DOCK2: variants seen among roughly 807,000 people sequenced by gnomAD.
DOCK2 encodes the protein dedicator of cytokinesis 2, also known as dedicator of cytokinesis protein 2.
Under a neutral mutation model 248.9 loss-of-function variants are expected in DOCK2, and 87 were observed. The observed-to-expected ratio is 0.35, with a 90% CI of 0.29 to 0.42. The LOEUF (loss-of-function observed/expected upper bound fraction) is 0.42. Among genes scored for constraint, DOCK2 ranks in the 10% least tolerant of loss-of-function variants. The pLI, the probability that DOCK2 is intolerant of heterozygous loss-of-function variation, is 1.00. For synonymous variants in DOCK2, 805 were observed against 821.6 expected (o/e 0.98, Z 0.35); for missense variants, 1,747 against 2,300.2 (o/e 0.76, Z 4.92).
chr5:169,903,889 C>T (rs1453918906), intron 27 of DOCK2, among the ~76,000 whole-genome samples: 1 of 151,930 alleles, frequency 6.6e-6, no homozygotes, highest in Non-Finnish European at 1.5e-5. Flanking sequence ...CACCTGAGGT[C>T]AGGAGTTCGA....
At chr5:169,803,286 G>A (rs1427884257) in intron 26 of DOCK2, 80 bp downstream of exon 26, 1 of 1,524,828 alleles carries the variant, frequency 6.6e-7, no homozygotes, top group Non-Finnish European at 8.8e-7. Flanking sequence ...TGATACTGAT[G>A]GATAGCAGCT....
chr5:169,890,499 T>C (rs1345744385), intron 27 of DOCK2, among the ~76,000 whole-genome samples: 1 of 152,200 alleles, frequency 6.6e-6, no homozygotes, highest in African/African-American at 2.4e-5. Flanking sequence ...ATTTGAAATT[T>C]GGAAAGCTAA....
chr5:169,802,364 G>A (rs1387916663), intron 25 of DOCK2, among the ~76,000 whole-genome samples: 4 of 152,276 alleles, frequency 2.6e-5, no homozygotes, highest in Admixed American at 6.5e-5. Flanking sequence ...TTTTCGCCAC[G>A]TTGGCCATGC....
intron 25 of DOCK2, among the ~76,000 whole-genome samples, chr5:169,781,476 A>G (rs1364562055): frequency 6.6e-6 from 1 of 152,238 alleles, no homozygotes; most frequent in East Asian, 1.9e-4. Flanking sequence ...GATCCTGTTC[A>G]TCTCTGACAG....
intron 22 of DOCK2, among the ~76,000 whole-genome samples, chr5:169,720,528 C>A (rs1428271983): frequency 6.6e-6 from 1 of 151,802 alleles, no homozygotes; most frequent in Non-Finnish European, 1.5e-5. Context: ...TACAAAGCCT[C>A]TTGCAGTGCC....
At chr5:170,020,447 A>AATG (rs201007286) in intron 33 of DOCK2, among the ~76,000 whole-genome samples, 20 of 152,004 alleles carry the variant, frequency 1.3e-4, no homozygotes, top group Admixed American at 5.2e-4. Flanking sequence ...ATCTGCATCT[A>AATG]ATGATGATGA....
At chr5:169,974,843 C>G (rs553873965) in intron 27 of DOCK2, among the ~76,000 whole-genome samples, 1 of 150,372 alleles carries the variant, frequency 6.7e-6, no homozygotes, top group African/African-American at 2.5e-5. Flanking sequence ...CCCCTCCCCC[C>G]GACACACACA....
Position 169,655,984 on chromosome 5 carries a change from G to T in DOCK2, c.127+1498G>T, listed in dbSNP as rs138685560. On this transcript the variant is annotated intron_variant, in intron 2 of 51. Coordinates refer to ENST00000520908, the MANE Select transcript of DOCK2 (RefSeq NM_004946.3). ...CCTGCAAAGTTCACACTCCGGCCCTGTTGAAACCTTTTACGCAAGGAGTGG... is the reference window on the plus strand; with the variant it reads ...CCTGCAAAGTTCACACTCCGGCCCTTTTGAAACCTTTTACGCAAGGAGTGG... 2.6e-3 allele frequency among the ~76,000 whole-genome samples: 396 copies of T among 152,320 alleles called. 2 individuals are homozygous for T. The highest frequency in any genetic ancestry group is 8.4e-3 in the African/African-American group (349 of 41,564).
At chr5:169,854,619 G>C (rs1222015785) in intron 27 of DOCK2, among the ~76,000 whole-genome samples, 2 of 152,234 alleles carry the variant, frequency 1.3e-5, no homozygotes, top group African/African-American at 4.8e-5. Context: ...CAGAAAGTCA[G>C]GGGCAGAAGT....
chr5:169,648,394 A>G (rs527753177), intron 1 of DOCK2, among the ~76,000 whole-genome samples: 1 of 152,300 alleles, frequency 6.6e-6, no homozygotes, highest in African/African-American at 2.4e-5. Context: ...GAGAGAATTC[A>G]CTGGAATCCT....
At chr5:169,831,304 T>C (rs190180653) in intron 26 of DOCK2, among the ~76,000 whole-genome samples, 2 of 152,340 alleles carry the variant, frequency 1.3e-5, no homozygotes, top group East Asian at 3.9e-4. Flanking sequence ...TCAAGATCTA[T>C]CTACCTTCTC....
intron 27 of DOCK2, among the ~76,000 whole-genome samples, chr5:169,874,936 C>T (rs1253646869): frequency 6.6e-6 from 1 of 152,104 alleles, no homozygotes; most frequent in East Asian, 1.9e-4. Flanking sequence ...ATCCTCTCCT[C>T]TCTCTTCCTT....
At chr5:169,889,003 G>T (rs1581363870) in intron 27 of DOCK2, among the ~76,000 whole-genome samples, 3 of 152,120 alleles carry the variant, frequency 2.0e-5, no homozygotes, top group Non-Finnish European at 2.9e-5. Context: ...GTGATGATCT[G>T]CTGACTTCTA....
At chr5:169,839,860 C>T (rs1036384105) in intron 26 of DOCK2, among the ~76,000 whole-genome samples, 1 of 152,184 alleles carries the variant, frequency 6.6e-6, no homozygotes, top group Non-Finnish European at 1.5e-5. Flanking sequence ...TGGCTTCCTG[C>T]TGTGGCTGAC....
intron 32 of DOCK2, among the ~76,000 whole-genome samples, chr5:170,009,396 A>G (rs1755197382): frequency 1.3e-5 from 2 of 152,168 alleles, no homozygotes; most frequent in Non-Finnish European, 2.9e-5. Flanking sequence ...AAACTCAGAA[A>G]AGGAAGTAAC....
At chr5:169,939,383 A>G (rs1776137772) in intron 27 of DOCK2, among the ~76,000 whole-genome samples, 2 of 152,018 alleles carry the variant, frequency 1.3e-5, no homozygotes, top group Admixed American at 1.3e-4. Flanking sequence ...CTCCTATAAC[A>G]ATGCCTTCTT....
chr5:169,938,921 T>TTTGA (rs1776110199), intron 27 of DOCK2, among the ~76,000 whole-genome samples: 5 of 149,958 alleles, frequency 3.3e-5, no homozygotes, highest in East Asian at 1.9e-4. Flanking sequence ...TTTTTTTTTT[T>TTTGA]GAAATGGAGT....
intron 10 of DOCK2, among the ~76,000 whole-genome samples, chr5:169,697,001 G>A (rs971049191): frequency 6.6e-6 from 1 of 152,052 alleles, no homozygotes; most frequent in African/African-American, 2.4e-5. Flanking sequence ...GGGCATTTCT[G>A]ACATCATGGT....
chr5:169,936,305 AGCAAGG>A (rs1048809261), intron 27 of DOCK2, among the ~76,000 whole-genome samples: 6 of 152,340 alleles, frequency 3.9e-5, no homozygotes, highest in African/African-American at 1.4e-4. Context: ...GCTAGGCTGC[AGCAAGG>A]GCAGTGGGTT....
Sources: gnomAD v4.1 joint callset for allele counts (sites outside exome capture counted in the v4.1 genomes callset) on GRCh38, gnomAD v4.1.1 for gene constraint, MANE v1.5 for transcripts, NCBI Gene and HGNC (gene_info 2026-07-23, HGNC 2026-07-21) for gene names.